TMEM50A: variants seen among roughly 807,000 people sequenced by gnomAD.
TMEM50A encodes the protein transmembrane protein 50A, also known as cervical cancer oncogene 9.
In TMEM50A, 8 loss-of-function variants were observed where a neutral mutation model predicts 23.9. The observed-to-expected ratio is 0.33, with a 90% CI of 0.20 to 0.60. TMEM50A has a LOEUF of 0.60. Ranked by LOEUF, TMEM50A falls within the 20% of genes least tolerant of loss-of-function variation. The pLI, the probability that TMEM50A is intolerant of heterozygous loss-of-function variation, is 0.81. For synonymous variants in TMEM50A, 55 were observed against 60.4 expected (o/e 0.91, Z 0.41); for missense variants, 178 against 192.7 (o/e 0.92, Z 0.45).
intron 2 of TMEM50A, among the ~76,000 whole-genome samples, chr1:25,341,732 T>C (rs183440559): frequency 7.9e-4 from 121 of 152,242 alleles, no homozygotes; most frequent in Non-Finnish European, 1.5e-3. Flanking sequence ...TCTCACTCTG[T>C]CTCCCAGGCT....
At chr1:25,343,187 A>G in intron 3 of TMEM50A, 114 bp downstream of exon 3, 2 of 782,380 alleles carry the variant, frequency 2.6e-6, no homozygotes, top group Non-Finnish European at 2.0e-6. Flanking sequence ...CACACTGGAC[A>G]TGATTTAAAA....
At chr1:25,338,572 C>G (rs1645127906) in intron 1 of TMEM50A, 116 bp downstream of exon 1, 1 of 152,560 alleles carries the variant, frequency 6.6e-6, no homozygotes, top group Admixed American at 6.5e-5. Flanking sequence ...TGCCGCCACC[C>G]TCCCGGAAGC....
Position 25,360,930 on chromosome 1 carries a change from G to T in TMEM50A, c.*225G>T, listed in dbSNP as rs1032233033. 3.1e-5 allele frequency: 12 copies of T among 389,882 alleles called. No individual in the cohort carries two copies. The highest frequency in any genetic ancestry group is 3.9e-5 in the East Asian group (1 of 25,732). 24.2% of individuals were successfully genotyped at this position (389,882 alleles called of 1,614,324 possible). A position where few individuals can be genotyped will look rare whatever the true frequency, so the allele number is the denominator to read the frequency against. On this transcript the variant is annotated 3_prime_UTR_variant, in exon 7 of 7. Transcript: ENST00000374358. ...AAAATGTTAGAGGAAACTTTCACAT[G>T]AATAATTTTTGTCAAATTTTATCAT...
chr1:25,353,078 T>A, intron 5 of TMEM50A, 104 bp downstream of exon 5: 3 of 909,958 alleles, frequency 3.3e-6, no homozygotes, highest in Non-Finnish European at 5.0e-6. Context: ...TTGGGCCAAC[T>A]ACTAGCGATG....
chr1:25,355,860 C>T (rs1273547113), intron 5 of TMEM50A, among the ~76,000 whole-genome samples: 2 of 152,220 alleles, frequency 1.3e-5, no homozygotes, highest in East Asian at 3.8e-4. Context: ...TGGCTGGCTA[C>T]TCTATCTTTC....
rs1645418189 is a variant in TMEM50A at position 25,362,189 on chromosome 1, C to T, written c.*1484C>T. 2.1e-6 allele frequency: 1 copy of T among 474,100 alleles called. No homozygotes were observed. Among genetic ancestry groups the T allele is most frequent in the East Asian group, 4.0e-5 (1 of 25,220 alleles). The allele number at this position is 474,100 out of a possible 1,614,324, so 29.4% of individuals were successfully genotyped here. ...GTATTATCTGCTTTGCTGATGTAGA[C>T]AAGAGTTAACTGAGTAGCATGCTTT... On this transcript the variant is annotated 3_prime_UTR_variant, in exon 7 of 7. Coordinates refer to ENST00000374358, the MANE Select transcript of TMEM50A (RefSeq NM_014313.4).
chr1:25,347,867 G>A (rs1183928105), intron 3 of TMEM50A, among the ~76,000 whole-genome samples: 1 of 152,152 alleles, frequency 6.6e-6, no homozygotes, highest in African/African-American at 2.4e-5. Context: ...TTATTTTACC[G>A]TAATAATGAT....
At chr1:25,343,265 C>CA (rs1259415127) in intron 3 of TMEM50A, among the ~76,000 whole-genome samples, 192 bp downstream of exon 3, 3 of 152,166 alleles carry the variant, frequency 2.0e-5, no homozygotes, top group African/African-American at 7.2e-5. Context: ...TGTACCTCTC[C>CA]ACTCCCTCCC....
Position 25,340,562 on chromosome 1 carries a change from A to G in TMEM50A, c.76A>G (p.Ile26Val), listed in dbSNP as rs779265824. The change falls in exon 2 of 7, where the codon ATT becomes GTT. Residue 26 changes from isoleucine (I) to valine (V), a missense_variant. Coordinates refer to ENST00000374358, the MANE Select transcript of TMEM50A (RefSeq NM_014313.4). ...WGEKRNTIAS[I>V]AAGVLFFTGW... is the part of the protein sequence containing the mutation. Reference sequence around the variant, plus strand: ...GGAAAAGCGCAATACTATTGCTTCCATTGCTGCTGGTGTACTAGTAAGTGT... The same window carrying G: ...GGAAAAGCGCAATACTATTGCTTCCGTTGCTGCTGGTGTACTAGTAAGTGT... 6.8e-6 allele frequency: 11 copies of G among 1,613,330 alleles called. No individual in the cohort carries two copies. Among genetic ancestry groups the G allele is most frequent in the African/African-American group, 1.3e-5 (1 of 75,008 alleles).
rs116348266 is a variant in TMEM50A at position 25,362,357 on chromosome 1, A to G, written c.*1652A>G. ...TTAAACTTATTAAATTGACTCTTAA[A>G]CTAAGTTTTTAGTCTTTAATTTTTT... On this transcript the variant is annotated 3_prime_UTR_variant, in exon 7 of 7. Transcript: ENST00000374358. The G allele has an allele frequency of 6.9e-4, 1,004 of 1,455,518 alleles. 6 individuals are homozygous for G. In the African/African-American group the frequency reaches 0.013, roughly 19 times the overall value. 90.2% of individuals were successfully genotyped at this position (1,455,518 alleles called of 1,614,324 possible).
At chr1:25,339,858 A>G (rs1175984107) in intron 1 of TMEM50A, among the ~76,000 whole-genome samples, 1 of 152,240 alleles carries the variant, frequency 6.6e-6, no homozygotes, top group Non-Finnish European at 1.5e-5. Context: ...GAGGTCAACC[A>G]GTAGTTAAAA....
At chr1:25,343,509 A>T (rs1271117173) in intron 3 of TMEM50A, among the ~76,000 whole-genome samples, 1 of 152,192 alleles carries the variant, frequency 6.6e-6, no homozygotes, top group Non-Finnish European at 1.5e-5. Flanking sequence ...GAAAGGAGAT[A>T]TGTGCAAATA....
At chr1:25,340,350 G>T in intron 1 of TMEM50A, 124 bp from the exon 2 acceptor site, 1 of 607,630 alleles carries the variant, frequency 1.6e-6, no homozygotes, top group Non-Finnish European at 2.8e-6. Flanking sequence ...GAAGTATGTG[G>T]AACCAAAATA....
intron 6 of TMEM50A, 101 bp downstream of exon 6, chr1:25,356,954 C>T: frequency 1.3e-6 from 1 of 744,384 alleles, no homozygotes; most frequent in Non-Finnish European, 2.2e-6. Flanking sequence ...CATCCAATGC[C>T]CCTCCCCCAT....
chr1:25,348,624 G>T, intron 3 of TMEM50A, among the ~76,000 whole-genome samples: 1 of 150,684 alleles, frequency 6.6e-6, no homozygotes, highest in African/African-American at 2.5e-5. Flanking sequence ...GGTGGAGGTT[G>T]CAGTGAGCTG....
At chr1:25,340,669 A>G (rs758084744) in intron 2 of TMEM50A, 90 bp downstream of exon 2, 57 of 918,498 alleles carry the variant, frequency 6.2e-5, no homozygotes, top group Non-Finnish European at 8.7e-5. Flanking sequence ...AATATGTACT[A>G]TTTATTTTAT....
At chr1:25,356,714 A>AATTTGCCAATATATCTG in intron 5 of TMEM50A, 79 bp from the exon 6 acceptor site, 1 of 1,068,570 alleles carries the variant, frequency 9.4e-7, no homozygotes, top group Non-Finnish European at 1.4e-6. Context: ...TCTAGGCAGG[A>AATTTGCCAATATATCTG]AAACTGGTAT....
At chr1:25,341,085 A>G (rs1645162678) in intron 2 of TMEM50A, among the ~76,000 whole-genome samples, 1 of 152,212 alleles carries the variant, frequency 6.6e-6, no homozygotes, top group South Asian at 2.1e-4. Flanking sequence ...ATTAAAATAC[A>G]TTGTGTGGAA....
Position 25,352,884 on chromosome 1 carries a change from G to C in TMEM50A, c.277G>C (p.Ala93Pro). The C allele has an allele frequency of 6.2e-7, 1 of 1,612,876 alleles. No homozygotes were observed. Among genetic ancestry groups the C allele is most frequent in the African/African-American group, 1.3e-5 (1 of 74,882 alleles). The change falls in exon 5 of 7, where the codon GCT (alanine) becomes CCT (proline). Residue 93 changes from alanine (A) to proline (P), a missense_variant and splice_region_variant. Ala to Pro is a conservative substitution (Grantham distance 27, BLOSUM62 -1). Transcript: ENST00000374358. ...YSEGCLGQTG[A>P]RIWLFVGFML... is the part of the protein sequence containing the mutation. The stretch of plus-strand genomic sequence containing the variant: ...GGTAAAATATTATTTCTTTGAAGGT[G>C]CTCGCATTTGGCTTTTCGTTGGTTT...
Sources: gnomAD v4.1 joint callset for allele counts (sites outside exome capture counted in the v4.1 genomes callset) on GRCh38, gnomAD v4.1.1 for gene constraint, MANE v1.5 for transcripts, NCBI Gene and HGNC (gene_info 2026-07-23, HGNC 2026-07-21) for gene names.